CNTN4: variants seen among roughly 807,000 people sequenced by gnomAD.
CNTN4 encodes the protein contactin 4, also known as contactin-4.
A neutral mutation model predicts 122.5 loss-of-function variants in CNTN4; 77 were observed. The observed-to-expected ratio is 0.63, with a 90% CI of 0.52 to 0.76. The LOEUF is 0.76. Among genes scored for constraint, CNTN4 ranks in the 30% least tolerant of loss-of-function variants. The probability of loss-of-function intolerance (pLI) is 0.00; values close to 1 mark genes in which losing one functional copy is unlikely to be tolerated. For synonymous variants in CNTN4, 512 were observed against 447.0 expected, an observed-to-expected ratio of 1.15 and a Z score of -1.83; for missense variants, 1,256 against 1,259.1, an observed-to-expected ratio of 1.00 and a Z score of 0.04.
At chr3:2,445,178 TC>T (rs1269808377) in intron 3 of CNTN4, among the ~76,000 whole-genome samples, 2 of 152,110 alleles carry the variant, frequency 1.3e-5, no homozygotes, top group Non-Finnish European at 2.9e-5. Flanking sequence ...ACATCAGCTC[TC>T]CTAAAATGAT....
intron 3 of CNTN4, among the ~76,000 whole-genome samples, chr3:2,398,569 G>C (rs1477474334): frequency 6.6e-6 from 1 of 152,154 alleles, no homozygotes; most frequent in African/African-American, 2.4e-5. Flanking sequence ...CTATGGACAG[G>C]TTTAGTCAAT....
At chr3:2,692,975 T>G (rs2085825200) in intron 4 of CNTN4, among the ~76,000 whole-genome samples, 1 of 152,150 alleles carries the variant, frequency 6.6e-6, no homozygotes, top group Non-Finnish European at 1.5e-5. Context: ...CCTATTAAAT[T>G]CAAAAGAATG....
intron 2 of CNTN4, among the ~76,000 whole-genome samples, chr3:2,167,397 A>G (rs1368227967): frequency 6.6e-6 from 1 of 152,212 alleles, no homozygotes; most frequent in Admixed American, 6.5e-5. Context: ...CAAATAATAA[A>G]TAATTAGATG....
At chr3:2,280,905 C>T (rs144499635) in intron 2 of CNTN4, among the ~76,000 whole-genome samples, 3 of 152,280 alleles carry the variant, frequency 2.0e-5, no homozygotes, top group East Asian at 1.9e-4. Context: ...TGGCATCAAC[C>T]TCCAACAGAG....
At chr3:2,933,336 T>C (rs922196203) in intron 13 of CNTN4, among the ~76,000 whole-genome samples, 2 of 152,118 alleles carry the variant, frequency 1.3e-5, no homozygotes, top group Admixed American at 1.3e-4. Flanking sequence ...TTAGGGCTAG[T>C]TTATACAGGG....
At chr3:2,322,354 C>T (rs2043302351) in intron 2 of CNTN4, among the ~76,000 whole-genome samples, 1 of 152,116 alleles carries the variant, frequency 6.6e-6, no homozygotes, top group Admixed American at 6.5e-5. Flanking sequence ...GAATTTTATT[C>T]AGCCTTAAAG....
chr3:2,861,552 C>G (rs1449500426), intron 7 of CNTN4, among the ~76,000 whole-genome samples: 1 of 152,176 alleles, frequency 6.6e-6, no homozygotes, highest in South Asian at 2.1e-4. Flanking sequence ...ATTGATAAAA[C>G]TATCTAAAGG....
At chr3:2,905,828 A>G (rs1203078917) in intron 12 of CNTN4, among the ~76,000 whole-genome samples, 1 of 152,234 alleles carries the variant, frequency 6.6e-6, no homozygotes, top group Non-Finnish European at 1.5e-5. Context: ...GACAAACACA[A>G]AGAATAGTCC....
chr3:2,291,865 C>T (rs896441417), intron 2 of CNTN4, among the ~76,000 whole-genome samples: 4 of 152,052 alleles, frequency 2.6e-5, no homozygotes, highest in Admixed American at 1.3e-4. Flanking sequence ...TCCCGAGTAG[C>T]TGGGATTACA....
At chr3:2,618,242 G>GTTAT (rs140521365) in intron 4 of CNTN4, among the ~76,000 whole-genome samples, 21 of 148,500 alleles carry the variant, frequency 1.4e-4, no homozygotes, top group African/African-American at 3.4e-4. Context: ...ATTAAATGTG[G>GTTAT]GTATATATAT....
At chr3:2,496,971 C>T (rs529701728) in intron 3 of CNTN4, among the ~76,000 whole-genome samples, 15 of 152,116 alleles carry the variant, frequency 9.9e-5, no homozygotes, top group Non-Finnish European at 2.1e-4. Context: ...GTCCCAGCTC[C>T]AGAAGAGAGC....
At chr3:2,241,734 C>T (rs1214810060) in intron 2 of CNTN4, among the ~76,000 whole-genome samples, 1 of 152,132 alleles carries the variant, frequency 6.6e-6, no homozygotes, top group African/African-American at 2.4e-5. Flanking sequence ...TCCCCATGTT[C>T]CCTCCTTTGA....
intron 2 of CNTN4, among the ~76,000 whole-genome samples, chr3:2,170,888 C>G (rs1055931484): frequency 4.6e-5 from 7 of 152,206 alleles, no homozygotes; most frequent in East Asian, 3.9e-4. Context: ...ATTGATAACT[C>G]AGCAAATACT....
rs2093890007 is a variant in CNTN4, at chr3:2,880,109, T to C, written c.653-3036T>C. ...TTGCATCTCTGCGTTGCCAGTGATATTTTAGTTCTTTCAAACAAGGTTGTG... is the reference window on the plus strand; with the variant it reads ...TTGCATCTCTGCGTTGCCAGTGATACTTTAGTTCTTTCAAACAAGGTTGTG... On this transcript the variant is annotated intron_variant, in intron 8 of 24. Coordinates refer to ENST00000418658, the MANE Select transcript of CNTN4 (RefSeq NM_175607.3). 5.3e-5 allele frequency among the ~76,000 whole-genome samples: 8 copies of C among 152,184 alleles called. No homozygotes were observed. The South Asian group carries it at 1.5e-3, about 28-fold the overall frequency.
chr3:2,581,199 A>G (rs183637173), intron 4 of CNTN4, among the ~76,000 whole-genome samples: 16 of 152,214 alleles, frequency 1.1e-4, no homozygotes, highest in African/African-American at 3.4e-4. Flanking sequence ...GTGTTTCTCA[A>G]TCTTACCAGC....
intron 3 of CNTN4, among the ~76,000 whole-genome samples, chr3:2,373,874 A>G (rs2045723048): frequency 6.6e-6 from 1 of 152,216 alleles, no homozygotes; most frequent in African/African-American, 2.4e-5. Context: ...ATTATTGGAA[A>G]TTCATTGCAA....
intron 3 of CNTN4, among the ~76,000 whole-genome samples, chr3:2,534,365 C>T (rs2077716959): frequency 6.6e-6 from 1 of 152,140 alleles, no homozygotes; most frequent in African/African-American, 2.4e-5. Context: ...AATAGGGAAT[C>T]CTTTCCCCAT....
At chr3:2,571,692 C>T in intron 4 of CNTN4, 134 bp downstream of exon 4, 2 of 722,920 alleles carry the variant, frequency 2.8e-6, no homozygotes, top group Admixed American at 2.0e-5. Context: ...CATTTGCTGA[C>T]ACTGTTGAAT....
At chr3:2,157,829 A>T (rs1282311209) in intron 2 of CNTN4, among the ~76,000 whole-genome samples, 1 of 152,246 alleles carries the variant, frequency 6.6e-6, no homozygotes, top group Non-Finnish European at 1.5e-5. Flanking sequence ...GGATTTTCTT[A>T]GAAATTAATA....
Sources: allele counts gnomAD v4.1 joint callset (sites outside exome capture counted in the v4.1 genomes callset), GRCh38; gene constraint gnomAD v4.1.1; transcripts MANE v1.5; gene names NCBI Gene and HGNC (gene_info 2026-07-23, HGNC 2026-07-21).